The following BPIFB4 variants were observed in gnomAD, a reference collection of about 807,000 sequenced individuals.
BPIFB4 encodes the protein BPI fold containing family B member 4, also known as BPI fold-containing family B member 4.
BPIFB4 carries 62 observed loss-of-function variants against 69.2 expected under a neutral mutation model. The ratio of observed to expected loss-of-function variants is 0.90; its 90% CI spans 0.73 to 1.11. The LOEUF (loss-of-function observed/expected upper bound fraction) is 1.11, where lower values mean the gene tolerates loss of function less well. Ranked by LOEUF, BPIFB4 falls within the 50% of genes least tolerant of loss-of-function variation. The pLI is 0.00. For missense variants in BPIFB4, 789 were observed against 792.0 expected (o/e 1.00, Z 0.04); for synonymous variants, 330 against 332.7 (o/e 0.99, Z 0.09).
Position 33,083,837 on chromosome 20 carries a change from G to A in BPIFB4, c.640G>A (p.Glu214Lys), listed in dbSNP as rs747498722. ...AGGGGGTGTCCTGGGCGTGCTCGGC[G>A]AGGGTGGCATCCTCAGCACTGTGCA... ...GGGGVLGVLG[E>K]GGILSTVQGI... The change falls in exon 5 of 18, where the codon GAG (glutamate) becomes AAG (lysine). Residue 214 changes from glutamate (E) to lysine (K), a missense_variant. Physicochemically the swap from Glu to Lys is moderately conservative, Grantham distance 56. Transcript: ENST00000375483. The A allele has an allele frequency of 5.6e-6, 9 of 1,613,326 alleles. No homozygotes were observed. Among genetic ancestry groups the A allele is most frequent in the South Asian group, 1.1e-5 (1 of 91,050 alleles).
rs1193848299 is a variant in BPIFB4, at chr20:33,107,834, G to A, written c.1821+14G>A. 13 of 1,610,872 alleles carry A rather than the reference G, an allele frequency of 8.1e-6. No individual in the cohort carries two copies. Among genetic ancestry groups the A allele is most frequent in the South Asian group, 1.1e-5 (1 of 90,956 alleles). On this transcript the variant is annotated intron_variant, in intron 17 of 17. Coordinates refer to ENST00000375483, the MANE Select transcript of BPIFB4 (RefSeq NM_182519.3). ...GACGTGTTGGAGGTAAGAGGAGATC[G>A]AGCTCCATTCTGCTTTTCCTCCCTG...
In BPIFB4 at chr20:33,083,705, G is replaced by GGT. The variant is rs1981325764; in HGVS notation, c.509_510dup (p.Leu171ValfsTer63). The GGT allele has an allele frequency of 1.2e-6, 2 of 1,613,894 alleles. No individual in the cohort carries two copies. Among genetic ancestry groups the GGT allele is most frequent in the Non-Finnish European group, 1.7e-6 (2 of 1,179,972 alleles). ...TGCCACTGGGGCGGTGGGCCCAGGT[G>GGT]GTTTGCTGGGCACTGGAGGCATGCT... is the stretch of plus-strand genomic sequence containing the variant. On this transcript the variant is annotated frameshift_variant, in exon 5 of 18. Coordinates refer to ENST00000375483, the MANE Select transcript of BPIFB4 (RefSeq NM_182519.3). LOFTEE classifies it high-confidence loss of function.
chr20:33,083,295 G>T, intron 4 of BPIFB4, 72 bp from the exon 5 acceptor site: 1 of 1,503,682 alleles, frequency 6.7e-7, no homozygotes, highest in South Asian at 1.2e-5. Context: ...CTGCTGGGTG[G>T]CAGTGGTGGT....
rs570251362 is a variant in BPIFB4 at position 33,086,684 on chromosome 20, G to A, written c.926+520G>A. The stretch of plus-strand genomic sequence containing the variant: ...ACGTCCAACAGGGGTTGTGTGCGTT[G>A]GTGCCCCAGATCACAGGGGCATTCC... On this transcript the variant is annotated intron_variant, in intron 7 of 17. Coordinates refer to ENST00000375483, the MANE Select transcript of BPIFB4 (RefSeq NM_182519.3). Among the ~76,000 whole-genome samples the A allele has an allele frequency of 1.1e-4, 16 of 152,340 alleles. No homozygotes were observed. In the South Asian group the frequency reaches 3.3e-3, roughly 32 times the overall value.
chr20:33,090,910 A>C, intron 10 of BPIFB4, 111 bp downstream of exon 10: 1 of 1,313,214 alleles, frequency 7.6e-7, no homozygotes, highest in Non-Finnish European at 1.1e-6. Context: ...AACACTTGAC[A>C]GGACCCTCTC....
intron 7 of BPIFB4, among the ~76,000 whole-genome samples, chr20:33,087,634 G>A (rs1410772230): frequency 4.0e-5 from 6 of 151,478 alleles, no homozygotes; most frequent in Non-Finnish European, 5.9e-5. Flanking sequence ...CAGGAGGGTC[G>A]ATGAACCTGT....
At chr20:33,111,376 C>A (rs1449303812) in intron 17 of BPIFB4, 38 bp from the exon 18 acceptor site, 2 of 1,613,794 alleles carry the variant, frequency 1.2e-6, no homozygotes, top group Admixed American at 3.3e-5. Flanking sequence ...GCCAGAGCCA[C>A]CCCACCCATC....
chr20:33,100,890 G>A (rs906212891), intron 14 of BPIFB4, among the ~76,000 whole-genome samples: 1 of 144,496 alleles, frequency 6.9e-6, no homozygotes, highest in Non-Finnish European at 1.5e-5. Flanking sequence ...GTACACACGT[G>A]TAGTCCTAGA....
At chr20:33,100,385 C>T in intron 13 of BPIFB4, 41 bp from the exon 14 acceptor site, 5 of 1,519,232 alleles carry the variant, frequency 3.3e-6, no homozygotes, top group Non-Finnish European at 4.6e-6. Context: ...CTGGCCAAGA[C>T]ATGAAGGCAG....
At chr20:33,081,408 T>A (rs1981224102) in intron 2 of BPIFB4, 104 bp from the exon 3 acceptor site, 1 of 1,476,198 alleles carries the variant, frequency 6.8e-7, no homozygotes, top group Non-Finnish European at 9.0e-7. Context: ...TCTCTCTGGG[T>A]CCCAGGGTCC....
chr20:33,111,501 C>T lies in BPIFB4; in HGVS notation c.*64C>T. 4.4e-6 allele frequency: 7 copies of T among 1,597,876 alleles called. No homozygotes were observed. The highest frequency in any genetic ancestry group is 1.3e-5 in the African/African-American group (1 of 74,718). On this transcript the variant is annotated 3_prime_UTR_variant, in exon 18 of 18. Coordinates refer to ENST00000375483, the MANE Select transcript of BPIFB4 (RefSeq NM_182519.3). ...TGGAACCAGTCCCAGAGAGGCTCGG[C>T]CTGGAAACAGTCCCCTGCCCAGAGT...
At chr20:33,083,088 TG>T (rs1981286599) in intron 4 of BPIFB4, 88 bp downstream of exon 4, 5 of 117,582 alleles carry the variant, frequency 4.3e-5, no homozygotes, top group Middle Eastern at 2.1e-3. Flanking sequence ...GGTGGTCTCC[TG>T]GGGGGCCTGC....
intron 11 of BPIFB4, among the ~76,000 whole-genome samples, 194 bp from the exon 12 acceptor site, chr20:33,094,906 A>G (rs1216585142): frequency 1.3e-5 from 2 of 152,140 alleles, no homozygotes; most frequent in Admixed American, 6.6e-5. Flanking sequence ...CTTAACCACA[A>G]ACTGGCTACG....
In BPIFB4 at chr20:33,105,610, ACT is replaced by A. The variant is rs763889131; in HGVS notation, c.1744+743_1744+744del. On this transcript the variant is annotated intron_variant, in intron 16 of 17. Coordinates refer to ENST00000375483, the MANE Select transcript of BPIFB4 (RefSeq NM_182519.3). ...AAGCCCTGGGGTCACTGGGCCCCAGACTCTCTCCCACTCCTGCTTCCTGGATG... is the reference window on the plus strand; with the variant it reads ...AAGCCCTGGGGTCACTGGGCCCCAGACTCTCCCACTCCTGCTTCCTGGATG... 2.0e-5 allele frequency among the ~76,000 whole-genome samples: 3 copies of A among 151,802 alleles called. No homozygotes were observed. The South Asian group carries it at 6.3e-4, about 32-fold the overall frequency.
chr20:33,103,610 A>C (rs1981964966), intron 15 of BPIFB4, among the ~76,000 whole-genome samples: 1 of 137,948 alleles, frequency 7.2e-6, no homozygotes, highest in African/African-American at 2.7e-5. Flanking sequence ...CTTCAGAAAC[A>C]CTCCTTCCTC....
At chr20:33,091,949 G>A (rs1023719450) in intron 10 of BPIFB4, among the ~76,000 whole-genome samples, 2 of 152,170 alleles carry the variant, frequency 1.3e-5, no homozygotes, top group African/African-American at 4.8e-5. Context: ...CCAGATGAGT[G>A]GAACTTAACA....
At chr20:33,098,353 G>A (rs542015323) in intron 13 of BPIFB4, among the ~76,000 whole-genome samples, 22 of 152,188 alleles carry the variant, frequency 1.4e-4, no homozygotes, top group Non-Finnish European at 3.1e-4. Context: ...GGGGAAACGA[G>A]ACAGATGGTG....
intron 12 of BPIFB4, among the ~76,000 whole-genome samples, 181 bp downstream of exon 12, chr20:33,095,334 A>T (rs1600559057): frequency 6.6e-6 from 1 of 151,904 alleles, no homozygotes; most frequent in African/African-American, 2.4e-5. Context: ...GGGGCGGGGG[A>T]AGACACAGAG....
chr20:33,096,368 C>T (rs559629387), intron 12 of BPIFB4, among the ~76,000 whole-genome samples: 2 of 152,302 alleles, frequency 1.3e-5, no homozygotes, highest in East Asian at 3.9e-4. Flanking sequence ...CTCTGCCTCC[C>T]TGGTTCAAGC....
Sources: gnomAD v4.1 joint callset for allele counts (sites outside exome capture counted in the v4.1 genomes callset) on GRCh38, gnomAD v4.1.1 for gene constraint, MANE v1.5 for transcripts, NCBI Gene and HGNC (gene_info 2026-07-23, HGNC 2026-07-21) for gene names.